The following MAGI1 variants were observed in gnomAD, a reference collection of about 807,000 sequenced individuals.
MAGI1 encodes the protein membrane-associated guanylate kinase, WW and PDZ domain-containing protein 1.
Under a neutral mutation model 139.9 loss-of-function variants are expected in MAGI1, and 58 were observed. That is an observed-to-expected ratio of 0.41 (90% CI 0.34 to 0.52). MAGI1 has a LOEUF of 0.52. MAGI1 is among the 20% of genes least tolerant of loss of function. The pLI, the probability that MAGI1 is intolerant of heterozygous loss-of-function variation, is 0.12. For missense variants in MAGI1, 1,874 were observed against 1,901.6 expected, an observed-to-expected ratio of 0.99 and a Z score of 0.27; for synonymous variants, 812 against 737.9, an observed-to-expected ratio of 1.10 and a Z score of -1.63.
intron 2 of MAGI1, among the ~76,000 whole-genome samples, chr3:65,572,416 G>A (rs2080999876): frequency 1.3e-5 from 2 of 152,100 alleles, no homozygotes; most frequent in African/African-American, 4.8e-5. Flanking sequence ...TGTTTCCAGA[G>A]TGCATTCTAT....
At chr3:65,401,714 T>A in intron 12 of MAGI1, 1 of 1,504,098 alleles carries the variant, frequency 6.6e-7, no homozygotes, top group Non-Finnish European at 8.9e-7. Context: ...TGCAGCAGCC[T>A]GGAGGCTGGG....
intron 10 of MAGI1, among the ~76,000 whole-genome samples, chr3:65,433,526 C>A (rs989349633): frequency 6.6e-6 from 1 of 152,004 alleles, no homozygotes; most frequent in Admixed American, 6.6e-5. Flanking sequence ...TGGAAAGAAA[C>A]GCTTTTCACC....
In MAGI1 at chr3:65,935,083, TC is replaced by T. The variant is rs1305693340; in HGVS notation, c.313+102912del. ...TCGATCAAAGAAGAGAGGTTACAGT[TC>T]CCCAAATCTAGGGTGTTTGGAAAGG... On this transcript the variant is annotated intron_variant, in intron 1 of 22. Transcript: ENST00000402939. 5.9e-5 allele frequency among the ~76,000 whole-genome samples: 9 copies of T among 152,254 alleles called. No homozygotes were observed. In the South Asian group the frequency reaches 8.3e-4, roughly 14 times the overall value.
chr3:65,446,391 T>C (rs899391113), intron 7 of MAGI1, among the ~76,000 whole-genome samples: 1 of 152,196 alleles, frequency 6.6e-6, no homozygotes, highest in African/African-American at 2.4e-5. Flanking sequence ...CACAGTTTGA[T>C]CTGAACCCAG....
chr3:65,869,561 C>G (rs569975085), intron 1 of MAGI1, among the ~76,000 whole-genome samples: 52 of 151,662 alleles, frequency 3.4e-4, no homozygotes, highest in Non-Finnish European at 6.2e-4. Flanking sequence ...CCACCACACC[C>G]GGCTAATTTT....
chr3:65,360,411 T>A (rs545543308), intron 22 of MAGI1: 1 of 964,304 alleles, frequency 1.0e-6, no homozygotes, highest in Admixed American at 6.2e-5. Context: ...ATAATTATTA[T>A]CATATACAAT....
At chr3:65,743,098 C>T (rs759411989) in intron 1 of MAGI1, among the ~76,000 whole-genome samples, 60 of 152,228 alleles carry the variant, frequency 3.9e-4, no homozygotes, top group Non-Finnish European at 6.0e-4. Flanking sequence ...ATGCTAGATA[C>T]GTCTAGGCAT....
intron 2 of MAGI1, among the ~76,000 whole-genome samples, chr3:65,604,023 T>G (rs770304897): frequency 2.4e-4 from 37 of 152,318 alleles, no homozygotes; most frequent in Admixed American, 4.6e-4. Context: ...CACGTGAATT[T>G]TGGGTGATAC....
chr3:65,666,683 T>A (rs1008444590), intron 1 of MAGI1, among the ~76,000 whole-genome samples: 1 of 152,192 alleles, frequency 6.6e-6, no homozygotes, highest in African/African-American at 2.4e-5. Context: ...TGCTGAGAAG[T>A]GTTATTTTAT....
chr3:65,733,566 C>T (rs2034409992), intron 1 of MAGI1, among the ~76,000 whole-genome samples: 1 of 152,154 alleles, frequency 6.6e-6, no homozygotes. Context: ...AGAAGGAAAC[C>T]TCATCCATCT....
chr3:65,968,568 T>C (rs113821093), intron 1 of MAGI1, among the ~76,000 whole-genome samples: 3,172 of 151,728 alleles, frequency 0.021, 100 homozygotes, highest in African/African-American at 0.071. Context: ...ATAAGGTGTG[T>C]GTGTATATGC....
chr3:65,672,022 AAACTG>A (rs1559773248), intron 1 of MAGI1, among the ~76,000 whole-genome samples: 1 of 152,178 alleles, frequency 6.6e-6, no homozygotes. Context: ...AGGTAGGTAA[AAACTG>A]AATCCCAAAT....
chr3:65,592,846 G>T (rs2082029215), intron 2 of MAGI1, among the ~76,000 whole-genome samples: 2 of 152,174 alleles, frequency 1.3e-5, no homozygotes, highest in Non-Finnish European at 2.9e-5. Flanking sequence ...ATAGTGGAAA[G>T]ATCTCATTTT....
At chr3:65,927,155 G>A (rs1292665285) in intron 1 of MAGI1, among the ~76,000 whole-genome samples, 1 of 152,220 alleles carries the variant, frequency 6.6e-6, no homozygotes, top group Non-Finnish European at 1.5e-5. Flanking sequence ...TGCCTATGGA[G>A]TAGCCATTCT....
chr3:66,012,798 A>G (rs2067397681), intron 1 of MAGI1, among the ~76,000 whole-genome samples: 1 of 151,592 alleles, frequency 6.6e-6, no homozygotes, highest in Non-Finnish European at 1.5e-5. Flanking sequence ...ATAAGGGGAC[A>G]GATGTGAAAT....
chr3:65,451,300 AT>A (rs1233947390), intron 6 of MAGI1, among the ~76,000 whole-genome samples: 1 of 152,222 alleles, frequency 6.6e-6, no homozygotes, highest in African/African-American at 2.4e-5. Context: ...CAAAAGGGAT[AT>A]TGACATTGAA....
At chr3:65,370,468 G>C (rs1186864393) in intron 18 of MAGI1, among the ~76,000 whole-genome samples, 1 of 152,136 alleles carries the variant, frequency 6.6e-6, no homozygotes, top group East Asian at 1.9e-4. Context: ...TGTTGTACCA[G>C]TTTTATGTTT....
intron 10 of MAGI1, among the ~76,000 whole-genome samples, chr3:65,435,767 A>G (rs1327238463): frequency 1.3e-5 from 2 of 152,172 alleles, no homozygotes; most frequent in African/African-American, 4.8e-5. Flanking sequence ...TCTAGCAAAG[A>G]CCTGAGGTGA....
rs575255197 is a variant in MAGI1, at chr3:65,502,391, T to A, written c.431-8760A>T. Among the ~76,000 whole-genome samples, 6 of 105,254 alleles carry A rather than the reference T, an allele frequency of 5.7e-5. No homozygotes were observed. The East Asian group carries it at 1.2e-3, about 22-fold the overall frequency. 69.1% of individuals were successfully genotyped at this position (105,254 alleles called of 152,430 possible). A position where few individuals can be genotyped will look rare whatever the true frequency, so the allele number is the denominator to read the frequency against. On this transcript the variant is annotated intron_variant, in intron 2 of 22. Transcript: ENST00000402939. ...TTAATGTCAATTTGAGACTTTCTGC[T>A]TAGCATAAGGATTTGTCTTCGTTAG...
Sources: allele counts gnomAD v4.1 joint callset (sites outside exome capture counted in the v4.1 genomes callset), GRCh38; gene constraint gnomAD v4.1.1; transcripts MANE v1.5; gene names NCBI Gene and HGNC (gene_info 2026-07-23, HGNC 2026-07-21).